Variants in ANXA4 observed in about 807,000 individuals in gnomAD.
ANXA4 encodes the protein annexin A4.
A neutral mutation model predicts 49.8 loss-of-function variants in ANXA4; 39 were observed. The observed-to-expected ratio is 0.78, with a 90% CI of 0.61 to 1.02. ANXA4 has a LOEUF of 1.02. Among genes scored for constraint, ANXA4 ranks in the 50% least tolerant of loss-of-function variants. The pLI, the probability that ANXA4 is intolerant of heterozygous loss-of-function variation, is 0.00. For missense variants in ANXA4, 360 were observed against 410.1 expected (o/e 0.88, Z 1.05); for synonymous variants, 134 against 152.5 (o/e 0.88, Z 0.89).
chr2:69,700,715 T>A (rs1382978815), intron 2 of ANXA4, among the ~76,000 whole-genome samples: 1 of 152,184 alleles, frequency 6.6e-6, no homozygotes, highest in East Asian at 1.9e-4. Context: ...ATTACATAAT[T>A]ATTTAGTGAA....
At chr2:69,746,196 G>A (rs1381758428) in intron 1 of ANXA4, among the ~76,000 whole-genome samples, 3 of 152,012 alleles carry the variant, frequency 2.0e-5, no homozygotes, top group Non-Finnish European at 2.9e-5. Flanking sequence ...ATTTTTAGTG[G>A]AGACGGGGTT....
chr2:69,819,159 A>C, intron 10 of ANXA4, 121 bp from the exon 11 acceptor site: 1 of 686,154 alleles, frequency 1.5e-6, no homozygotes, highest in Non-Finnish European at 2.4e-6. Flanking sequence ...TGCTTGGCTA[A>C]AATTTCCCTG....
intron 1 of ANXA4, among the ~76,000 whole-genome samples, chr2:69,760,993 C>G (rs1250891676): frequency 7.9e-6 from 1 of 126,130 alleles, no homozygotes; most frequent in Non-Finnish European, 1.7e-5. Flanking sequence ...GACACCTCGT[C>G]TCTATTAAAT....
intron 3 of ANXA4, chr2:69,803,401 A>G (rs1477130146): frequency 6.6e-6 from 1 of 152,252 alleles, no homozygotes; most frequent in African/African-American, 2.4e-5. Flanking sequence ...AGCACAAACA[A>G]CGAGGAAACA....
chr2:69,813,850 C>A (rs974278873), intron 8 of ANXA4, among the ~76,000 whole-genome samples: 6 of 150,978 alleles, frequency 4.0e-5, no homozygotes, highest in Admixed American at 1.3e-4. Context: ...CTCCCCCTCC[C>A]AGGTTCAAGC....
chr2:69,662,064 G>T (rs1283330609), intron 2 of ANXA4, among the ~76,000 whole-genome samples: 1 of 152,214 alleles, frequency 6.6e-6, no homozygotes, highest in Non-Finnish European at 1.5e-5. Flanking sequence ...GTCTGAATTT[G>T]AACTGAGCAA....
In ANXA4 at chr2:69,723,711, A is replaced by T. The variant is rs532112724; in HGVS notation, n.864+2840A>T. 9.9e-3 allele frequency among the ~76,000 whole-genome samples: 1,509 copies of T among 152,124 alleles called. 22 individuals are homozygous for T. Among genetic ancestry groups the T allele is most frequent in the African/African-American group, 0.033 (1,362 of 41,480 alleles). ...TGACATAGCTGTGTGATGCTATTTT[A>T]TTTTGTTTTCTTTCTTCTAATAGAG... On this transcript the variant is annotated intron_variant and non_coding_transcript_variant, in intron 3 of 3. Transcript: ENST00000418066.
intron 1 of ANXA4, among the ~76,000 whole-genome samples, chr2:69,769,095 A>G (rs530376876): frequency 1.3e-5 from 2 of 152,348 alleles, no homozygotes; most frequent in South Asian, 4.1e-4. Flanking sequence ...ATCTGAAGCA[A>G]GTTGATGATG....
Position 69,661,200 on chromosome 2 carries a change from T to C in ANXA4, n.766+7918T>C, listed in dbSNP as rs188611914. Among the ~76,000 whole-genome samples the C allele has an allele frequency of 2.0e-3, 262 of 128,228 alleles. 3 individuals are homozygous for C. Among genetic ancestry groups the C allele is most frequent in the African/African-American group, 7.6e-3 (253 of 33,418 alleles). 84.1% of individuals were successfully genotyped at this position (128,228 alleles called of 152,430 possible). ...AGTTAAGCATACTTGAAGCATAAGA[T>C]GAAATAAAGGAAGCTTCAGACAAAA... On this transcript the variant is annotated intron_variant and non_coding_transcript_variant, in intron 2 of 3. Transcript: ENST00000418066.
At chr2:69,786,617 A>G (rs1355227986) in intron 2 of ANXA4, among the ~76,000 whole-genome samples, 1 of 152,130 alleles carries the variant, frequency 6.6e-6, no homozygotes, top group East Asian at 1.9e-4. Context: ...TTATTTAAAT[A>G]TTTTTATTAT....
At position 69,723,937 on chromosome 2, in the gene ANXA4, GC is replaced by G. The variant is rs1233655039; in HGVS notation, n.864+3069del. 9.9e-5 allele frequency among the ~76,000 whole-genome samples: 15 copies of G among 152,242 alleles called. No homozygotes were observed. The East Asian group carries it at 2.7e-3, about 27-fold the overall frequency. On this transcript the variant is annotated intron_variant and non_coding_transcript_variant, in intron 3 of 3. Coordinates refer to the ANXA4 transcript ENST00000418066. Reference sequence around the variant, plus strand: ...GCTGCAAGAGGCTTTCAAAACCTAGGCCCGAAAGCTAAAAACTTCTGAACTG... The same window carrying G: ...GCTGCAAGAGGCTTTCAAAACCTAGGCCGAAAGCTAAAAACTTCTGAACTG...
upstream of ANXA4, among the ~76,000 whole-genome samples, chr2:69,739,572 A>AT (rs748559398): frequency 0.013 from 1,894 of 140,608 alleles, 37 homozygotes; most frequent in African/African-American, 0.038. Flanking sequence ...GGCTTGGCTA[A>AT]TTTTTTTTTT....
chr2:69,685,662 T>TTAATA (rs1477401185), intron 2 of ANXA4, among the ~76,000 whole-genome samples: 1 of 152,228 alleles, frequency 6.6e-6, no homozygotes, highest in African/African-American at 2.4e-5. Flanking sequence ...TTAAGGGTGA[T>TTAATA]TAATATGAGG....
chr2:69,783,431 G>A (rs1181028862), intron 2 of ANXA4, among the ~76,000 whole-genome samples: 3 of 152,074 alleles, frequency 2.0e-5, no homozygotes, highest in Non-Finnish European at 2.9e-5. Flanking sequence ...TGGCCAGGCT[G>A]GTCTCGAACT....
intron 1 of ANXA4, chr2:69,652,929 G>T (rs1676306131): frequency 6.6e-6 from 1 of 152,222 alleles, no homozygotes; most frequent in Admixed American, 6.5e-5. Flanking sequence ...TGGGGTTCCT[G>T]AAATGGTCAG....
intron 3 of ANXA4, among the ~76,000 whole-genome samples, chr2:69,734,902 C>T (rs559384240): frequency 1.3e-5 from 2 of 152,250 alleles, no homozygotes; most frequent in South Asian, 4.1e-4. Flanking sequence ...TCAAACAATC[C>T]CATTCACTTG....
At chr2:69,822,507 C>A (rs937535336) in intron 12 of ANXA4, among the ~76,000 whole-genome samples, 6 of 151,898 alleles carry the variant, frequency 4.0e-5, no homozygotes, top group African/African-American at 1.5e-4. Flanking sequence ...GTGGAAACAA[C>A]CTAAATATCC....
intron 2 of ANXA4, among the ~76,000 whole-genome samples, chr2:69,717,419 G>T (rs536558755): frequency 6.6e-6 from 1 of 152,102 alleles, no homozygotes; most frequent in South Asian, 2.1e-4. Context: ...GTCAGGCCTG[G>T]CTCATCGACA....
chr2:69,665,471 A>T (rs1359518582), intron 2 of ANXA4, among the ~76,000 whole-genome samples: 1 of 152,130 alleles, frequency 6.6e-6, no homozygotes, highest in East Asian at 1.9e-4. Context: ...TAACAACAAT[A>T]AATGATTGTT....
Sources: gnomAD v4.1 joint callset for allele counts (sites outside exome capture counted in the v4.1 genomes callset) on GRCh38, gnomAD v4.1.1 for gene constraint, MANE v1.5 for transcripts, NCBI Gene and HGNC (gene_info 2026-07-23, HGNC 2026-07-21) for gene names.